SGCD: variants seen among roughly 807,000 people sequenced by gnomAD.
SGCD encodes the protein sarcoglycan delta.
Under a neutral mutation model 36.6 loss-of-function variants are expected in SGCD, and 18 were observed. The ratio of observed to expected loss-of-function variants is 0.49; its 90% CI spans 0.34 to 0.73. The LOEUF is 0.73. Among genes scored for constraint, SGCD ranks in the 30% least tolerant of loss-of-function variants. The probability of loss-of-function intolerance (pLI) is 0.01; values close to 1 mark genes in which losing one functional copy is unlikely to be tolerated. For missense variants in SGCD, 387 were observed against 346.7 expected (o/e 1.12, Z -0.92); for synonymous variants, 133 against 130.6 (o/e 1.02, Z -0.12).
intron 3 of SGCD, among the ~76,000 whole-genome samples, chr5:156,180,592 C>G (rs564866338): frequency 6.6e-6 from 1 of 152,210 alleles, no homozygotes; most frequent in East Asian, 1.9e-4. Flanking sequence ...AAAGCTTACC[C>G]TCTACCCTCC....
At chr5:156,093,531 G>T (rs1387034418) in intron 1 of SGCD, among the ~76,000 whole-genome samples, 1 of 152,208 alleles carries the variant, frequency 6.6e-6, no homozygotes, top group Non-Finnish European at 1.5e-5. Context: ...TTGGAGGACT[G>T]TCTGAACTCT....
At chr5:156,670,490 G>T (rs776267899) in intron 7 of SGCD, among the ~76,000 whole-genome samples, 1 of 152,096 alleles carries the variant, frequency 6.6e-6, no homozygotes, top group African/African-American at 2.4e-5. Flanking sequence ...GCCCCTGCTG[G>T]GTGTATAGAC....
intron 3 of SGCD, among the ~76,000 whole-genome samples, chr5:156,373,433 C>T (rs765021169): frequency 6.6e-5 from 10 of 152,086 alleles, no homozygotes; most frequent in Non-Finnish European, 1.0e-4. Context: ...GCAATGAGAC[C>T]GCCCAAGGCT....
chr5:156,349,387 A>G (rs944601404), intron 3 of SGCD, among the ~76,000 whole-genome samples: 1 of 151,188 alleles, frequency 6.6e-6, no homozygotes, highest in African/African-American at 2.5e-5. Flanking sequence ...TCGATAAGGA[A>G]CTCTAAACAA....
intron 1 of SGCD, among the ~76,000 whole-genome samples, chr5:155,970,364 A>G (rs1476049496): frequency 6.6e-6 from 1 of 152,076 alleles, no homozygotes; most frequent in African/African-American, 2.4e-5. Flanking sequence ...GCATTTATAT[A>G]CTAAGCATTT....
At chr5:156,708,917 G>A (rs72803011) in intron 7 of SGCD, among the ~76,000 whole-genome samples, 9,849 of 152,210 alleles carry the variant, frequency 0.065, 355 homozygotes, top group Admixed American at 0.081. Context: ...TTCTAGGAAA[G>A]TAAACATATG....
At chr5:155,782,530 AG>A in the SGCD span, among the ~76,000 whole-genome samples, 1 of 152,194 alleles carries the variant, frequency 6.6e-6, no homozygotes, top group African/African-American at 2.4e-5. Context: ...TAACTGTCTC[AG>A]GGGGGTGACA....
chr5:156,655,842 G>C (rs1443673589), intron 7 of SGCD, among the ~76,000 whole-genome samples: 4 of 151,432 alleles, frequency 2.6e-5, no homozygotes, highest in Non-Finnish European at 5.9e-5. Context: ...TCTATATAAA[G>C]ACAAATGGAA....
chr5:156,141,141 T>C (rs996041395), intron 3 of SGCD, among the ~76,000 whole-genome samples: 1 of 152,204 alleles, frequency 6.6e-6, no homozygotes, highest in Non-Finnish European at 1.5e-5. Context: ...ATGGAGTACA[T>C]GTAAGTGAAG....
chr5:155,828,525 A>G, the SGCD span, among the ~76,000 whole-genome samples: 276 of 152,288 alleles, frequency 1.8e-3, 1 homozygote, highest in African/African-American at 6.4e-3. Context: ...CAAAATATCT[A>G]TGGTAGATGT....
chr5:155,857,676 A>T, the SGCD span, among the ~76,000 whole-genome samples: 2 of 152,222 alleles, frequency 1.3e-5, no homozygotes, highest in Non-Finnish European at 2.9e-5. Flanking sequence ...GGAAGGATAG[A>T]TTATAAAGGG....
intron 2 of SGCD, among the ~76,000 whole-genome samples, chr5:156,120,107 C>A (rs552928587): frequency 6.6e-6 from 1 of 152,096 alleles, no homozygotes; most frequent in Non-Finnish European, 1.5e-5. Context: ...CCAAGGATTT[C>A]GAAAAAGCTA....
chr5:156,072,013 C>A (rs1341511999), intron 1 of SGCD, among the ~76,000 whole-genome samples: 1 of 152,118 alleles, frequency 6.6e-6, no homozygotes, highest in Non-Finnish European at 1.5e-5. Flanking sequence ...TTATTTTGTG[C>A]CTATGTGCGT....
chr5:156,023,170 G>A (rs1337164572), intron 1 of SGCD, among the ~76,000 whole-genome samples: 2 of 152,208 alleles, frequency 1.3e-5, no homozygotes, highest in African/African-American at 4.8e-5. Flanking sequence ...ACTCTTAGGA[G>A]GATTAAATTA....
the SGCD span, among the ~76,000 whole-genome samples, chr5:155,747,543 C>A: frequency 6.6e-6 from 1 of 152,256 alleles, no homozygotes; most frequent in East Asian, 1.9e-4. Flanking sequence ...CTTATGAAGT[C>A]AGTCTTATTA....
intron 3 of SGCD, among the ~76,000 whole-genome samples, chr5:156,146,981 A>G (rs1340313690): frequency 1.3e-5 from 2 of 152,200 alleles, no homozygotes; most frequent in Non-Finnish European, 2.9e-5. Context: ...CTCAGAAAGT[A>G]AAAACATGAG....
intron 4 of SGCD, among the ~76,000 whole-genome samples, chr5:156,561,638 A>C (rs1252992815): frequency 6.6e-6 from 1 of 152,198 alleles, no homozygotes; most frequent in African/African-American, 2.4e-5. Context: ...AATGGTGTTG[A>C]ATAGACTTAA....
At chr5:155,732,657 C>G in the SGCD span, among the ~76,000 whole-genome samples, 1 of 152,210 alleles carries the variant, frequency 6.6e-6, no homozygotes, top group Non-Finnish European at 1.5e-5. Flanking sequence ...TCACTTACAT[C>G]TTAGTCAAAA....
At chr5:156,339,880 G>T (rs1409260707) in intron 2 of SGCD, among the ~76,000 whole-genome samples, 1 of 152,128 alleles carries the variant, frequency 6.6e-6, no homozygotes, top group Non-Finnish European at 1.5e-5. Context: ...ATAATTAACT[G>T]CCTCACATAC....
Sources: gnomAD v4.1 joint callset for allele counts (sites outside exome capture counted in the v4.1 genomes callset) on GRCh38, gnomAD v4.1.1 for gene constraint, MANE v1.5 for transcripts, NCBI Gene and HGNC (gene_info 2026-07-23, HGNC 2026-07-21) for gene names.